The following VWA7 variants were observed in gnomAD, a reference collection of about 807,000 sequenced individuals.
The protein encoded by VWA7 is von Willebrand factor A domain-containing protein 7.
In VWA7, 66 loss-of-function variants were observed where a neutral mutation model predicts 83.1. The ratio of observed to expected loss-of-function variants is 0.79; its 90% CI spans 0.65 to 0.98. VWA7 has a LOEUF of 0.98. Ranked by LOEUF, VWA7 falls within the 50% of genes least tolerant of loss-of-function variation. The pLI is 0.00. For missense variants in VWA7, 1,080 were observed against 1,160.2 expected (o/e 0.93, Z 1.00); for synonymous variants, 424 against 488.5 (o/e 0.87, Z 1.74).
Position 31,776,267 on chromosome 6 carries a change from G to A in VWA7, c.235-25C>T. 1.3e-6 allele frequency: 2 copies of A among 1,599,954 alleles called. No individual in the cohort carries two copies. Among genetic ancestry groups the A allele is most frequent in the Non-Finnish European group, 1.7e-6 (2 of 1,171,930 alleles). On this transcript the variant is annotated intron_variant, in intron 2 of 16. Transcript: ENST00000375688. This position sits in a 1 kb window ranked among gnomAD's most constrained non-coding sequence, Gnocchi z 6.2. ...CCTGGGGAGAATAGCGGGCGACGGG[G>A]CTCCAGGGAGGCCCTTTGGATTGAC...
Position 31,776,512 on chromosome 6 carries a change from T to C in VWA7, c.234+34A>G, listed in dbSNP as rs1195737245. On this transcript the variant is annotated intron_variant, in intron 2 of 16. Coordinates refer to ENST00000375688, the MANE Select transcript of VWA7 (RefSeq NM_025258.3). The surrounding 1 kb of genome is among the most constrained non-coding windows in gnomAD (Gnocchi z 6.2). ...AGAGGCCCCATGGAATTGGGGACTCTGGCAGGGGTGTGACAGGACCCTGGG... is the reference window on the plus strand; with the variant it reads ...AGAGGCCCCATGGAATTGGGGACTCCGGCAGGGGTGTGACAGGACCCTGGG... 5 of 1,506,966 alleles carry C rather than the reference T, an allele frequency of 3.3e-6. No individual in the cohort carries two copies. The African/African-American group carries it at 4.2e-5, about 13-fold the overall frequency. 93.3% of individuals were successfully genotyped at this position (1,506,966 alleles called of 1,614,324 possible).
rs201771012 is a variant in VWA7, at chr6:31,771,031, G to A, written c.1088-918C>T. 1.7e-3 allele frequency among the ~76,000 whole-genome samples: 225 copies of A among 129,668 alleles called. 1 individual carries two copies. The highest frequency in any genetic ancestry group is 8.3e-3 in the Middle Eastern group (2 of 242). The allele number at this position is 129,668 out of a possible 152,430, so 85.1% of individuals were successfully genotyped here. On this transcript the variant is annotated intron_variant, in intron 7 of 16. Coordinates refer to ENST00000375688, the MANE Select transcript of VWA7 (RefSeq NM_025258.3). ...TCTCTCAAAAAAAAAAAAAAAGAAA[G>A]AAAAGAAAAAAAAAAACTGGGTTTC... is the stretch of plus-strand genomic sequence containing the variant.
At position 31,766,474 on chromosome 6, in the gene VWA7, C is replaced by A; in HGVS notation, c.2173G>T (p.Val725Phe). The change falls in exon 14 of 17, where the codon GTC (valine) becomes TTC (phenylalanine). Residue 725 changes from valine (V) to phenylalanine (F), a missense_variant. Val to Phe is a conservative substitution (Grantham distance 50). Coordinates refer to ENST00000375688, the MANE Select transcript of VWA7 (RefSeq NM_025258.3). This position sits in a 1 kb window ranked among gnomAD's most constrained non-coding sequence, Gnocchi z 4.9. Reference protein sequence around the residue: ...AAPQPSTVVPVLLELSGPSGF... With the variant: ...AAPQPSTVVPFLLELSGPSGF... ...CCCTGGCGTCTCACCTCCAGAAGGACAGGGACTACAGTGCTAGGCTGAGGG... is the reference window on the plus strand; with the variant it reads ...CCCTGGCGTCTCACCTCCAGAAGGAAAGGGACTACAGTGCTAGGCTGAGGG... 6.3e-7 allele frequency: 1 copy of A among 1,596,210 alleles called. No homozygotes were observed.
rs1193915636 is a variant in VWA7 at position 31,769,841 on chromosome 6, T to C, written c.1201-50A>G. On this transcript the variant is annotated intron_variant, in intron 8 of 16. Coordinates refer to ENST00000375688, the MANE Select transcript of VWA7 (RefSeq NM_025258.3). This position sits in a 1 kb window ranked among gnomAD's most constrained non-coding sequence, Gnocchi z 4.5. ...GTTAACAATGGCAGTAGGAGGGGAA[T>C]GGGTAGAGCCACGGAGGATGAAGCA... The C allele has an allele frequency of 1.3e-6, 2 of 1,555,186 alleles. No individual in the cohort carries two copies. Among genetic ancestry groups the C allele is most frequent in the South Asian group, 1.1e-5 (1 of 89,888 alleles).
At position 31,773,907 on chromosome 6, in the gene VWA7, C is replaced by T. The variant is rs1812444610; in HGVS notation, c.722-470G>A. 2.0e-5 allele frequency among the ~76,000 whole-genome samples: 3 copies of T among 151,856 alleles called. No individual in the cohort carries two copies. Among genetic ancestry groups the T allele is most frequent in the Admixed American group, 1.3e-4 (2 of 15,222 alleles). ...CGGTGGCTCACACCAGTAATCCCAG[C>T]ATTTTGGGAGGCTGAGGTGGGTGGA... is the stretch of plus-strand genomic sequence containing the variant. On this transcript the variant is annotated intron_variant, in intron 5 of 16. Coordinates refer to ENST00000375688, the MANE Select transcript of VWA7 (RefSeq NM_025258.3). The surrounding 1 kb of genome is among the most constrained non-coding windows in gnomAD (Gnocchi z 5.3).
rs763524862 is a variant in VWA7, at chr6:31,766,395, G to A, written c.2185-11C>T. The A allele has an allele frequency of 4.5e-5, 72 of 1,588,672 alleles. No individual in the cohort carries two copies. The highest frequency in any genetic ancestry group is 4.3e-4 in the South Asian group (38 of 88,208). The stretch of plus-strand genomic sequence containing the variant: ...CGAGGGGCCACTAAGCTGCAGAGAA[G>A]GGTTCTTCAGGGAAGGGGCCGCTCT... On this transcript the variant is annotated splice_polypyrimidine_tract_variant and intron_variant, in intron 14 of 16. Coordinates refer to ENST00000375688, the MANE Select transcript of VWA7 (RefSeq NM_025258.3). This position sits in a 1 kb window ranked among gnomAD's most constrained non-coding sequence, Gnocchi z 4.9.
intron 4 of VWA7, 63 bp from the exon 5 acceptor site, chr6:31,774,689 A>G (rs1812524772): frequency 1.4e-6 from 2 of 1,389,878 alleles, no homozygotes; most frequent in Non-Finnish European, 2.0e-6. Flanking sequence ...ATCCCCACCC[A>G]CCCAAACCTT....
In VWA7 at chr6:31,775,891, A is replaced by G; in HGVS notation, c.513+73T>C. 6.5e-7 allele frequency: 1 copy of G among 1,532,174 alleles called. No individual in the cohort carries two copies. Among genetic ancestry groups the G allele is most frequent in the East Asian group, 2.3e-5 (1 of 44,212 alleles). 94.9% of individuals were successfully genotyped at this position (1,532,174 alleles called of 1,614,324 possible). Reference sequence around the variant, plus strand: ...GAGGAGACATGATCAAGAAGGCACCATAGGACGCGCTCCATCCCGGACAGG... The same window carrying G: ...GAGGAGACATGATCAAGAAGGCACCGTAGGACGCGCTCCATCCCGGACAGG... On this transcript the variant is annotated intron_variant, in intron 3 of 16. Transcript: ENST00000375688. The surrounding 1 kb of genome is among the most constrained non-coding windows in gnomAD (Gnocchi z 5.9).
chr6:31,768,747 G>A (rs539745530), intron 10 of VWA7, among the ~76,000 whole-genome samples: 1 of 152,228 alleles, frequency 6.6e-6, no homozygotes, highest in Admixed American at 6.5e-5. Flanking sequence ...GGGAGGCTGA[G>A]GCAGGAGAAT....
At position 31,765,911 on chromosome 6, in the gene VWA7, C is replaced by T. The variant is rs763158449; in HGVS notation, c.2471G>A (p.Arg824Gln). Residue 824 changes from arginine (R) to glutamine (Q), a missense_variant, in exon 16 of 17, where the codon CGG becomes CAG. Transcript: ENST00000375688. ...NPVPPTHAFLRLLVSAPAPQD... is the reference protein window; with the variant it reads ...NPVPPTHAFLQLLVSAPAPQD... ...CGGGGCTGGGGCCGATACCAGGAGC[C>T]GGAGGAAAGCATGAGTCGGGGGTAC... is the stretch of plus-strand genomic sequence containing the variant. 16 of 1,613,016 alleles carry T rather than the reference C, an allele frequency of 9.9e-6. No homozygotes were observed. The highest frequency in any genetic ancestry group is 4.0e-5 in the African/African-American group (3 of 74,944).
intron 7 of VWA7, 127 bp from the exon 8 acceptor site, chr6:31,770,240 C>G: frequency 1.4e-6 from 1 of 718,944 alleles, no homozygotes; most frequent in Non-Finnish European, 2.3e-6. Context: ...TAACAATACT[C>G]CATTATAAGA....
intron 5 of VWA7, 124 bp downstream of exon 5, chr6:31,774,392 G>A (rs1475377160): frequency 4.3e-6 from 4 of 928,020 alleles, no homozygotes; most frequent in African/African-American, 1.7e-5. Context: ...CACCCACCCT[G>A]TTCCCAGCAT....
In VWA7 at chr6:31,765,656, C is replaced by G. The variant is rs979830450; in HGVS notation, c.2614G>C (p.Gly872Arg). The part of the protein sequence containing the change: ...QGRAGAGLAA[G>R]SPWWGTVGGV... ...CCAACTGTGCCCCACCAGGGGCTGC[C>G]CGCAGCCAGCCCTGCCCCAGCCCTG... The change falls in exon 17 of 17, where the codon GGC becomes CGC. Residue 872 changes from glycine (G) to arginine (R), a missense_variant. Gly to Arg is a moderately radical substitution (Grantham distance 125, BLOSUM62 -2). Transcript: ENST00000375688. 5 of 1,607,480 alleles carry G rather than the reference C, an allele frequency of 3.1e-6. No homozygotes were observed. Among genetic ancestry groups the G allele is most frequent in the Non-Finnish European group, 4.2e-6 (5 of 1,177,630 alleles).
Position 31,767,707 on chromosome 6 carries a change from A to C in VWA7, c.1551T>G (p.Leu517=), listed in dbSNP as rs1811754916. 6.2e-7 allele frequency: 1 copy of C among 1,613,216 alleles called. No individual in the cohort carries two copies. Among genetic ancestry groups the C allele is most frequent in the Non-Finnish European group, 8.5e-7 (1 of 1,179,180 alleles). The change falls in exon 11 of 17, where the codon CTT becomes CTG. Residue 517 remains leucine, a synonymous_variant. Coordinates refer to ENST00000375688, the MANE Select transcript of VWA7 (RefSeq NM_025258.3). ...GGAGCAGCCCATCCACGCTGAACAC[A>C]AGTGGCTGCCCAGGCACCACAACAG... is the stretch of plus-strand genomic sequence containing the variant. ...DPPVVVPGQP[L]VFSVDGLLQK...
In VWA7 at chr6:31,776,164, C is replaced by T. The variant is rs1165724383; in HGVS notation, c.313G>A (p.Gly105Ser). The T allele has an allele frequency of 1.2e-6, 2 of 1,613,938 alleles. No individual in the cohort carries two copies. Among genetic ancestry groups the T allele is most frequent in the Non-Finnish European group, 1.7e-6 (2 of 1,180,032 alleles). ...GCTGCATTGGCACGAGACACCTCAC[C>T]TAAGGCTGCTCGGAACCGCCGAGAA... ...GSSRRFRAAL[G>S]EVSRANAAQD... The change falls in exon 3 of 17, where the codon GGT becomes AGT. Residue 105 changes from glycine to serine, a missense_variant. Coordinates refer to ENST00000375688, the MANE Select transcript of VWA7 (RefSeq NM_025258.3). The surrounding 1 kb of genome is among the most constrained non-coding windows in gnomAD (Gnocchi z 6.2).
chr6:31,767,615 G>A lies in VWA7; in HGVS notation c.1636+7C>T, dbSNP rs1166970596. The A allele has an allele frequency of 6.2e-7, 1 of 1,608,264 alleles. No homozygotes were observed. The highest frequency in any genetic ancestry group is 8.5e-7 in the Non-Finnish European group (1 of 1,175,180). On this transcript the variant is annotated splice_region_variant and intron_variant, in intron 11 of 16. Coordinates refer to ENST00000375688, the MANE Select transcript of VWA7 (RefSeq NM_025258.3). The stretch of plus-strand genomic sequence containing the variant: ...GTCCCCTCTCTTCCCTCTACCTTCA[G>A]AGGTACCTGCAGGGTTCTTGATCCA...
chr6:31,766,564 G>C lies in VWA7; in HGVS notation c.2083C>G (p.Pro695Ala). The change falls in exon 14 of 17, where the codon CCT becomes GCT. Residue 695 changes from proline to alanine, a missense_variant. Physicochemically the swap from Pro to Ala is conservative, Grantham distance 27 (BLOSUM62 -1). Coordinates refer to ENST00000375688, the MANE Select transcript of VWA7 (RefSeq NM_025258.3). This position sits in a 1 kb window ranked among gnomAD's most constrained non-coding sequence, Gnocchi z 4.9. ...ASLSPTLLST[P>A]RPFSLELIGQ... Reference sequence around the variant, plus strand: ...ATCAGCTCCAGGGAGAAGGGTCTAGGGGTGGACAGCAGCGTGGGCGACAGC... The same window carrying C: ...ATCAGCTCCAGGGAGAAGGGTCTAGCGGTGGACAGCAGCGTGGGCGACAGC... 1 of 1,612,918 alleles carries C rather than the reference G, an allele frequency of 6.2e-7. No individual in the cohort carries two copies.
rs1304881836 is a variant in VWA7, at chr6:31,775,475, T to C, written c.514-46A>G. On this transcript the variant is annotated intron_variant, in intron 3 of 16. Transcript: ENST00000375688. This position sits in a 1 kb window ranked among gnomAD's most constrained non-coding sequence, Gnocchi z 5.9. ...AGGGGAGTGAGGCACTAGTCTGGCC[T>C]TTCTCACCATCTCCAGCACTAATAT... 6.5e-7 allele frequency: 1 copy of C among 1,544,996 alleles called. No individual in the cohort carries two copies. The highest frequency in any genetic ancestry group is 2.3e-5 in the East Asian group (1 of 44,106).
At position 31,774,636 on chromosome 6, in the gene VWA7, G is replaced by C. The variant is rs1008645948; in HGVS notation, c.611-10C>G. The C allele has an allele frequency of 6.2e-7, 1 of 1,610,186 alleles. No individual in the cohort carries two copies. Among genetic ancestry groups the C allele is most frequent in the Non-Finnish European group, 8.5e-7 (1 of 1,178,574 alleles). On this transcript the variant is annotated splice_polypyrimidine_tract_variant and intron_variant, in intron 4 of 16. Coordinates refer to ENST00000375688, the MANE Select transcript of VWA7 (RefSeq NM_025258.3). ...CAGGTAGGATCGGCCACTGGGAAGA[G>C]AGGGCAGGGCTAGAACCCAAGATTC...
Sources: allele counts gnomAD v4.1 joint callset (sites outside exome capture counted in the v4.1 genomes callset), GRCh38; gene constraint gnomAD v4.1.1; non-coding constraint Gnocchi (gnomAD v3.1); transcripts MANE v1.5; gene names NCBI Gene and HGNC (gene_info 2026-07-23, HGNC 2026-07-21).